The following KCNQ3 variants were observed in gnomAD, a reference collection of about 807,000 sequenced individuals.
KCNQ3 encodes potassium voltage-gated channel subfamily KQT member 3.
In KCNQ3, 30 loss-of-function variants were observed where a neutral mutation model predicts 92.5. That is an observed-to-expected ratio of 0.32 (90% CI 0.24 to 0.44). The LOEUF (loss-of-function observed/expected upper bound fraction) is 0.44. KCNQ3 is among the 20% of genes least tolerant of loss of function. The probability of loss-of-function intolerance (pLI) is 1.00; values close to 1 mark genes in which losing one functional copy is unlikely to be tolerated. For missense variants in KCNQ3, 913 were observed against 1,140.3 expected (o/e 0.80, Z 2.87); for synonymous variants, 450 against 468.8 (o/e 0.96, Z 0.52).
rs139932906 is a variant in KCNQ3 at position 132,398,934 on chromosome 8, C to T, written c.386+81213G>A. ...TAAGTTAAAGGCTGCAGTGGTGAGC[C>T]CAGGCATCACATGACTTCTGACCAC... On this transcript the variant is annotated intron_variant, in intron 1 of 14. Transcript: ENST00000388996. 5.6e-3 allele frequency among the ~76,000 whole-genome samples: 855 copies of T among 152,274 alleles called. 9 individuals carry two copies. Among genetic ancestry groups the T allele is most frequent in the African/African-American group, 0.019 (789 of 41,548 alleles).
rs1008766823 is a variant in KCNQ3, at chr8:132,185,220, G to A, written c.478-853C>T. Among the ~76,000 whole-genome samples, 5 of 152,238 alleles carry A rather than the reference G, an allele frequency of 3.3e-5. No individual in the cohort carries two copies. In the East Asian group the frequency reaches 9.6e-4, roughly 29 times the overall value. ...AAGGAAGAGCTGACTCTGGTGCCTC[G>A]ATGGCTTGCCCAGTGTGAGAAGAAG... On this transcript the variant is annotated intron_variant, in intron 2 of 14. Coordinates refer to ENST00000388996, the MANE Select transcript of KCNQ3 (RefSeq NM_004519.4).
intron 1 of KCNQ3, among the ~76,000 whole-genome samples, chr8:132,285,603 A>G (rs1323376344): frequency 1.3e-5 from 2 of 152,258 alleles, no homozygotes; most frequent in Non-Finnish European, 2.9e-5. Flanking sequence ...TGAAAAATCC[A>G]CAGCCTGAGC....
rs933283871 is a variant in KCNQ3 at position 132,123,913 on chromosome 8, A to G, written c.*5349T>C. The G allele has an allele frequency of 6.6e-6, 1 of 152,248 alleles. No homozygotes were observed. The highest frequency in any genetic ancestry group is 2.1e-4 in the South Asian group (1 of 4,826). The allele number at this position is 152,248 out of a possible 1,614,324, so 9.4% of individuals were successfully genotyped here. On this transcript the variant is annotated 3_prime_UTR_variant, in exon 15 of 15. Transcript: ENST00000388996. ...AATCTCCCCAGGGAAGGTTTAAGCA[A>G]GCATTAACTCTTTCTTCTGCAAGTT...
intron 1 of KCNQ3, among the ~76,000 whole-genome samples, chr8:132,289,454 T>C (rs1003207232): frequency 6.6e-6 from 1 of 152,226 alleles, no homozygotes; most frequent in African/African-American, 2.4e-5. Flanking sequence ...TTCCAGCTTC[T>C]GGTAGCTGCT....
intron 1 of KCNQ3, among the ~76,000 whole-genome samples, chr8:132,441,146 C>T (rs1179688097): frequency 6.6e-6 from 1 of 152,228 alleles, no homozygotes; most frequent in Admixed American, 6.5e-5. Context: ...CTCTTTCCCA[C>T]CCCCAACACT....
At chr8:132,221,788 C>A (rs1814246653) in intron 1 of KCNQ3, among the ~76,000 whole-genome samples, 1 of 152,104 alleles carries the variant, frequency 6.6e-6, no homozygotes, top group African/African-American at 2.4e-5. Context: ...CGATCTTTGA[C>A]AAACCTGACA....
intron 1 of KCNQ3, among the ~76,000 whole-genome samples, chr8:132,366,522 C>T (rs913735569): frequency 6.6e-6 from 1 of 152,026 alleles, no homozygotes; most frequent in African/African-American, 2.4e-5. Context: ...ACCTTTCAAC[C>T]TCCTTTTTTA....
rs900479572 is a variant in KCNQ3 at position 132,121,507 on chromosome 8, G to T, written c.*7755C>A. 2 of 152,174 alleles carry T rather than the reference G, an allele frequency of 1.3e-5. No individual in the cohort carries two copies. Among genetic ancestry groups the T allele is most frequent in the Non-Finnish European group, 2.9e-5 (2 of 68,052 alleles). 9.4% of individuals were successfully genotyped at this position (152,174 alleles called of 1,614,324 possible). A position where few individuals can be genotyped will look rare whatever the true frequency, so the allele number is the denominator to read the frequency against. ...CCACCTGGACTCTTAACCCTCAGGG[G>T]AACTATGGGGGTGGGAACTGCCCCC... On this transcript the variant is annotated 3_prime_UTR_variant, in exon 15 of 15. Transcript: ENST00000388996.
chr8:132,276,158 A>T (rs1438402866), intron 1 of KCNQ3, among the ~76,000 whole-genome samples: 2 of 152,162 alleles, frequency 1.3e-5, no homozygotes, highest in African/African-American at 4.8e-5. Context: ...ACAAGAACTC[A>T]ATTTTTATTT....
In KCNQ3 at chr8:132,219,762, CA is replaced by C. The variant is rs539325965; in HGVS notation, c.387-33582del. On this transcript the variant is annotated intron_variant, in intron 1 of 14. Transcript: ENST00000388996. ...TGTCCTGCCTCAAATCCTCTTTAAG[CA>C]GAGCTTATTTTGTTTGTTTGTTTTT... Among the ~76,000 whole-genome samples, 6 of 152,258 alleles carry C rather than the reference CA, an allele frequency of 3.9e-5. No homozygotes were observed. In the South Asian group the frequency reaches 1.0e-3, roughly 26 times the overall value.
rs573756187 is a variant in KCNQ3 at position 132,269,394 on chromosome 8, G to A, written c.387-83213C>T. On this transcript the variant is annotated intron_variant, in intron 1 of 14. Coordinates refer to ENST00000388996, the MANE Select transcript of KCNQ3 (RefSeq NM_004519.4). The stretch of plus-strand genomic sequence containing the variant: ...CTTTTGTGAAGAGCATAAAGTCTGT[G>A]TCTAGATTCTACTTATTTATTTATT... Among the ~76,000 whole-genome samples the A allele has an allele frequency of 5.9e-5, 9 of 152,262 alleles. 1 individual carries two copies. In the South Asian group the frequency reaches 1.9e-3, roughly 32 times the overall value.
intron 1 of KCNQ3, among the ~76,000 whole-genome samples, chr8:132,432,527 GCCT>G (rs1316676095): frequency 1.3e-5 from 2 of 152,108 alleles, no homozygotes; most frequent in Non-Finnish European, 2.9e-5. Flanking sequence ...AGCTTCACTA[GCCT>G]CCTAACTCAT....
chr8:132,453,855 C>T (rs993530768), intron 1 of KCNQ3, among the ~76,000 whole-genome samples: 2 of 152,170 alleles, frequency 1.3e-5, no homozygotes, highest in South Asian at 2.1e-4. Context: ...GCCAAGCAAG[C>T]GCCTGCCAGA....
intron 1 of KCNQ3, among the ~76,000 whole-genome samples, chr8:132,259,977 A>C (rs577057899): frequency 1.2e-4 from 19 of 152,256 alleles, no homozygotes; most frequent in African/African-American, 4.6e-4. Context: ...CAACTACAAA[A>C]CATTGTTGAC....
At chr8:132,361,374 C>A (rs1819166642) in intron 1 of KCNQ3, among the ~76,000 whole-genome samples, 1 of 152,170 alleles carries the variant, frequency 6.6e-6, no homozygotes, top group Non-Finnish European at 1.5e-5. Flanking sequence ...CTGGTAGCTC[C>A]AAGGCAGAGA....
chr8:132,327,131 A>G (rs1038476255), intron 1 of KCNQ3, among the ~76,000 whole-genome samples: 3 of 152,200 alleles, frequency 2.0e-5, no homozygotes, highest in African/African-American at 7.2e-5. Context: ...CAAGGCATGG[A>G]GGCAGGTGCT....
chr8:132,140,520 T>C (rs1825256926), intron 10 of KCNQ3: 2 of 297,432 alleles, frequency 6.7e-6, no homozygotes, highest in African/African-American at 2.2e-5. Context: ...CAACACACAC[T>C]GTGCAGGCCT....
chr8:132,164,820 T>C (rs981503112), intron 8 of KCNQ3, among the ~76,000 whole-genome samples: 2 of 152,156 alleles, frequency 1.3e-5, no homozygotes, highest in Non-Finnish European at 2.9e-5. Context: ...TATTTCATGC[T>C]TCCTCTTCTA....
At chr8:132,310,199 G>T (rs1380695773) in intron 1 of KCNQ3, among the ~76,000 whole-genome samples, 1 of 152,176 alleles carries the variant, frequency 6.6e-6, no homozygotes, top group East Asian at 1.9e-4. Context: ...CAGATCCCTG[G>T]GTGGATGCTG....
Sources: allele counts gnomAD v4.1 joint callset (sites outside exome capture counted in the v4.1 genomes callset), GRCh38; gene constraint gnomAD v4.1.1; transcripts MANE v1.5; gene names NCBI Gene and HGNC (gene_info 2026-07-23, HGNC 2026-07-21).